Variants in DOCK4 observed in about 807,000 individuals in gnomAD.
DOCK4 encodes the protein dedicator of cytokinesis 4.
A neutral mutation model predicts 268.1 loss-of-function variants in DOCK4; 97 were observed. The observed-to-expected ratio is 0.36, with a 90% CI of 0.31 to 0.43. The LOEUF (loss-of-function observed/expected upper bound fraction) is 0.43. Ranked by LOEUF, DOCK4 falls within the 20% of genes least tolerant of loss-of-function variation. The pLI is 1.00. For missense variants in DOCK4, 2,145 were observed against 2,455.7 expected (o/e 0.87, Z 2.67); for synonymous variants, 954 against 887.2 (o/e 1.08, Z -1.34).
intron 15 of DOCK4, among the ~76,000 whole-genome samples, chr7:111,898,801 C>T (rs577359880): frequency 4.6e-5 from 7 of 152,118 alleles, no homozygotes; most frequent in Non-Finnish European, 1.0e-4. Flanking sequence ...AAAGAAAAAA[C>T]CTATGAGGAA....
intron 1 of DOCK4, among the ~76,000 whole-genome samples, chr7:112,124,777 T>C (rs1054719778): frequency 4.6e-5 from 7 of 152,236 alleles, no homozygotes; most frequent in Admixed American, 1.3e-4. Context: ...TTATTTTTCA[T>C]TGAAGGAACC....
intron 1 of DOCK4, among the ~76,000 whole-genome samples, chr7:112,020,685 T>TAAAAAAAA (rs58803593): frequency 8.6e-6 from 1 of 116,922 alleles, no homozygotes. Flanking sequence ...ACCCTAAAAG[T>TAAAAAAAA]AAAAAAAAAA....
At chr7:111,826,331 C>T (rs1802382830) in intron 26 of DOCK4, among the ~76,000 whole-genome samples, 1 of 152,068 alleles carries the variant, frequency 6.6e-6, no homozygotes, top group Non-Finnish European at 1.5e-5. Context: ...TAACTTTTTC[C>T]ATAGTAAGGA....
intron 26 of DOCK4, among the ~76,000 whole-genome samples, chr7:111,824,387 G>A (rs1214324584): frequency 6.6e-6 from 1 of 151,974 alleles, no homozygotes; most frequent in African/African-American, 2.4e-5. Flanking sequence ...TTCCTATCTT[G>A]GTGCATTTGC....
At chr7:112,069,108 A>G (rs1033795790) in intron 1 of DOCK4, among the ~76,000 whole-genome samples, 3 of 152,120 alleles carry the variant, frequency 2.0e-5, no homozygotes, top group African/African-American at 7.2e-5. Flanking sequence ...TGAGTGCCCA[A>G]ATGATTATCT....
intron 35 of DOCK4, among the ~76,000 whole-genome samples, chr7:111,779,687 A>C (rs1246510461): frequency 1.3e-5 from 2 of 152,160 alleles, no homozygotes; most frequent in Non-Finnish European, 2.9e-5. Context: ...GGCATGAGCC[A>C]CTGATCCTGG....
At chr7:111,957,566 T>C (rs1258931394) in intron 8 of DOCK4, among the ~76,000 whole-genome samples, 1 of 152,214 alleles carries the variant, frequency 6.6e-6, no homozygotes, top group Non-Finnish European at 1.5e-5. Context: ...AGCAAAGTTT[T>C]ATCTTTGGAA....
intron 36 of DOCK4, among the ~76,000 whole-genome samples, chr7:111,777,742 A>C (rs1798540097): frequency 6.6e-6 from 1 of 152,144 alleles, no homozygotes; most frequent in Admixed American, 6.6e-5. Context: ...GGTCTTTCCC[A>C]TGCTGCTCTC....
intron 1 of DOCK4, among the ~76,000 whole-genome samples, chr7:112,068,140 G>A (rs1807253758): frequency 6.6e-6 from 1 of 151,912 alleles, no homozygotes; most frequent in Admixed American, 6.6e-5. Flanking sequence ...ACTTGCTACT[G>A]GGGAGTTTGC....
chr7:111,845,687 T>A (rs1278162638), intron 24 of DOCK4, among the ~76,000 whole-genome samples: 2 of 152,184 alleles, frequency 1.3e-5, no homozygotes, highest in African/African-American at 4.8e-5. Flanking sequence ...ATGATAAATT[T>A]TCTTACACTT....
chr7:112,090,311 G>A (rs1319394838), intron 1 of DOCK4, among the ~76,000 whole-genome samples: 1 of 152,110 alleles, frequency 6.6e-6, no homozygotes, highest in African/African-American at 2.4e-5. Context: ...TTGGGGGGAA[G>A]AAATTATGCA....
intron 27 of DOCK4, among the ~76,000 whole-genome samples, chr7:111,819,196 C>T (rs1374787367): frequency 6.6e-6 from 1 of 152,138 alleles, no homozygotes; most frequent in African/African-American, 2.4e-5. Context: ...GAGTTTTTAC[C>T]TTCCTCAGTA....
At chr7:111,945,636 C>T in intron 9 of DOCK4, 81 bp downstream of exon 9, 2 of 1,206,648 alleles carry the variant, frequency 1.7e-6, no homozygotes, top group Non-Finnish European at 2.3e-6. Context: ...ACTATGTTCT[C>T]TCACAGTAAT....
chr7:112,121,659 T>C (rs1812739854), intron 1 of DOCK4, among the ~76,000 whole-genome samples: 1 of 152,182 alleles, frequency 6.6e-6, no homozygotes, highest in Non-Finnish European at 1.5e-5. Flanking sequence ...CTTTTAACTT[T>C]TAAAAATTAG....
intron 5 of DOCK4, among the ~76,000 whole-genome samples, chr7:111,990,799 T>C (rs924770948): frequency 6.6e-6 from 1 of 152,350 alleles, no homozygotes; most frequent in African/African-American, 2.4e-5. Flanking sequence ...TCAATGTCCA[T>C]GTCCTCCCTG....
At chr7:112,007,381 G>T (rs1176720106) in intron 1 of DOCK4, among the ~76,000 whole-genome samples, 1 of 152,138 alleles carries the variant, frequency 6.6e-6, no homozygotes, top group African/African-American at 2.4e-5. Context: ...GGTTTTAATG[G>T]ATTCGGACAA....
intron 23 of DOCK4, among the ~76,000 whole-genome samples, chr7:111,860,800 G>C (rs935050895): frequency 6.6e-6 from 1 of 152,142 alleles, no homozygotes; most frequent in Non-Finnish European, 1.5e-5. Flanking sequence ...ATCACAGCAG[G>C]TTCTTCTCTG....
chr7:111,760,740 G>T (rs1238886896), intron 39 of DOCK4, among the ~76,000 whole-genome samples: 6 of 5,046 alleles, frequency 1.2e-3, no homozygotes, highest in South Asian at 3.2e-3. Flanking sequence ...TCTGCTTTTT[G>T]TGTGTGTGTG....
intron 8 of DOCK4, among the ~76,000 whole-genome samples, chr7:111,957,732 G>C (rs1165527551): frequency 1.3e-5 from 2 of 152,044 alleles, no homozygotes; most frequent in Non-Finnish European, 2.9e-5. Flanking sequence ...GCCCTGAGAA[G>C]GACAGTAAGA....
Sources: gnomAD v4.1 joint callset for allele counts (sites outside exome capture counted in the v4.1 genomes callset) on GRCh38, gnomAD v4.1.1 for gene constraint, MANE v1.5 for transcripts, NCBI Gene and HGNC (gene_info 2026-07-23, HGNC 2026-07-21) for gene names.